CA1: variants seen among roughly 807,000 people sequenced by gnomAD.
The protein encoded by CA1 is carbonate dehydratase I.
A neutral mutation model predicts 28.8 loss-of-function variants in CA1; 27 were observed. The observed-to-expected ratio is 0.94, with a 90% CI of 0.69 to 1.29. The LOEUF (loss-of-function observed/expected upper bound fraction) is 1.29, where lower values mean the gene tolerates loss of function less well. Ranked by LOEUF, CA1 falls within the 50% of genes most tolerant of loss-of-function variation. The pLI is 0.00. For missense variants in CA1, 335 were observed against 310.5 expected (o/e 1.08, Z -0.59); for synonymous variants, 121 against 108.8 (o/e 1.11, Z -0.70).
chr8:85,332,847 A>G (rs1450736751), intron 5 of CA1, among the ~76,000 whole-genome samples: 1 of 152,182 alleles, frequency 6.6e-6, no homozygotes, highest in East Asian at 1.9e-4. Flanking sequence ...ATCAAAACTG[A>G]CACAAAAACA....
chr8:85,364,760 C>T (rs754228238), intron 1 of CA1, among the ~76,000 whole-genome samples: 20 of 152,316 alleles, frequency 1.3e-4, no homozygotes, highest in African/African-American at 3.4e-4. Flanking sequence ...GATATGACCT[C>T]GTCTTAGTAC....
rs1172074035 is a variant in CA1 at position 85,328,335 on chromosome 8, G to T, written c.*225C>A. 3 of 333,678 alleles carry T rather than the reference G, an allele frequency of 9.0e-6. No individual in the cohort carries two copies. The highest frequency in any genetic ancestry group is 1.6e-5 in the Non-Finnish European group (3 of 184,320). 20.7% of individuals were successfully genotyped at this position (333,678 alleles called of 1,614,324 possible). A position where few individuals can be genotyped will look rare whatever the true frequency, so the allele number is the denominator to read the frequency against. The stretch of plus-strand genomic sequence containing the variant: ...TTCCTCAAACTAAACTTGAATTTAA[G>T]CATAAGCTTATGCTTACAGATTACT... On this transcript the variant is annotated 3_prime_UTR_variant, in exon 8 of 8. Coordinates refer to ENST00000523022, the MANE Select transcript of CA1 (RefSeq NM_001128831.4).
chr8:85,343,936 C>T (rs1809025372), intron 1 of CA1, among the ~76,000 whole-genome samples: 1 of 151,164 alleles, frequency 6.6e-6, no homozygotes, highest in South Asian at 2.1e-4. Flanking sequence ...TGAATCTATG[C>T]CAAATTCAAG....
intron 2 of CA1, 22 bp downstream of exon 2, chr8:85,341,577 A>G (rs1428023976): frequency 7.0e-7 from 1 of 1,437,708 alleles, no homozygotes; most frequent in South Asian, 1.1e-5. Flanking sequence ...ATTTTGATCT[A>G]TATAAACAGG....
At chr8:85,371,667 A>G (rs1438305888) in intron 1 of CA1, among the ~76,000 whole-genome samples, 3 of 152,230 alleles carry the variant, frequency 2.0e-5, no homozygotes, top group Non-Finnish European at 2.9e-5. Context: ...AATATGATTT[A>G]CAACTTAATG....
At chr8:85,333,934 T>C (rs1004212405) in intron 4 of CA1, among the ~76,000 whole-genome samples, 4 of 152,212 alleles carry the variant, frequency 2.6e-5, no homozygotes, top group Non-Finnish European at 5.9e-5. Flanking sequence ...AACTAGTTTT[T>C]GGGAAAATAA....
At chr8:85,346,606 G>GA (rs1809196188) in intron 1 of CA1, among the ~76,000 whole-genome samples, 1 of 151,726 alleles carries the variant, frequency 6.6e-6, no homozygotes, top group Admixed American at 6.6e-5. Flanking sequence ...TACTAAAATA[G>GA]AAAAAATTAG....
intron 2 of CA1, among the ~76,000 whole-genome samples, chr8:85,340,709 T>A (rs1808878121): frequency 6.6e-6 from 1 of 152,214 alleles, no homozygotes; most frequent in Non-Finnish European, 1.5e-5. Context: ...TGGGAGAAGG[T>A]CAAGTTATCA....
At chr8:85,360,062 G>A (rs928855432) in intron 1 of CA1, among the ~76,000 whole-genome samples, 6 of 152,164 alleles carry the variant, frequency 3.9e-5, no homozygotes, top group Non-Finnish European at 8.8e-5. Context: ...TAGAAAGAAC[G>A]GTTCAAGTCC....
At chr8:85,343,493 C>G (rs1215314683) in intron 1 of CA1, among the ~76,000 whole-genome samples, 1 of 152,184 alleles carries the variant, frequency 6.6e-6, no homozygotes, top group Non-Finnish European at 1.5e-5. Flanking sequence ...GACCAAGAGT[C>G]AGGCTTCATC....
At chr8:85,374,864 C>T (rs1441057742) in intron 1 of CA1, among the ~76,000 whole-genome samples, 2 of 152,170 alleles carry the variant, frequency 1.3e-5, no homozygotes, top group Non-Finnish European at 2.9e-5. Context: ...CTGATACCCA[C>T]ATAAATATGA....
At chr8:85,338,791 G>T (rs1272652746) in intron 2 of CA1, among the ~76,000 whole-genome samples, 9 of 144,660 alleles carry the variant, frequency 6.2e-5, no homozygotes, top group Non-Finnish European at 1.3e-4. Flanking sequence ...TTGGCTCACT[G>T]CAACCTCTGC....
intron 1 of CA1, among the ~76,000 whole-genome samples, chr8:85,364,487 G>A (rs1264449705): frequency 6.6e-6 from 1 of 152,158 alleles, no homozygotes; most frequent in African/African-American, 2.4e-5. Flanking sequence ...CTCTTCAGTA[G>A]ATAATCAAAC....
At chr8:85,373,315 G>A (rs1810299297) in intron 1 of CA1, 1 of 152,196 alleles carries the variant, frequency 6.6e-6, no homozygotes, top group South Asian at 2.1e-4. Flanking sequence ...CAGCAAGCAA[G>A]AAATGAGTTG....
intron 1 of CA1, among the ~76,000 whole-genome samples, chr8:85,375,251 A>G (rs1810367132): frequency 6.6e-6 from 1 of 152,214 alleles, no homozygotes; most frequent in Non-Finnish European, 1.5e-5. Context: ...GGACAAGGGC[A>G]ATGAGAGAAA....
intron 1 of CA1, among the ~76,000 whole-genome samples, chr8:85,363,313 G>A (rs1315084891): frequency 6.6e-6 from 1 of 152,196 alleles, no homozygotes; most frequent in Non-Finnish European, 1.5e-5. Context: ...GATAAATGCT[G>A]TTGAGGGCTC....
intron 1 of CA1, among the ~76,000 whole-genome samples, chr8:85,362,829 A>G (rs1490218378): frequency 2.6e-5 from 4 of 152,206 alleles, no homozygotes; most frequent in African/African-American, 9.6e-5. Flanking sequence ...ATTTTTAGGC[A>G]GATAACTTAT....
At position 85,341,587 on chromosome 8, in the gene CA1, G is replaced by T; in HGVS notation, c.37+12C>A. 2.0e-6 allele frequency: 3 copies of T among 1,517,378 alleles called. No homozygotes were observed. Among genetic ancestry groups the T allele is most frequent in the Non-Finnish European group, 2.7e-6 (3 of 1,092,214 alleles). 94.0% of individuals were successfully genotyped at this position (1,517,378 alleles called of 1,614,324 possible). A position where few individuals can be genotyped will look rare whatever the true frequency, so the allele number is the denominator to read the frequency against. On this transcript the variant is annotated intron_variant, in intron 2 of 7. Transcript: ENST00000523022. ...TTATCATTTTGATCTATATAAACAG[G>T]AGAACTCTTACCATTTTTGTCATCA...
At chr8:85,367,274 T>C (rs1057374164) in intron 1 of CA1, among the ~76,000 whole-genome samples, 13 of 152,162 alleles carry the variant, frequency 8.5e-5, no homozygotes, top group African/African-American at 3.1e-4. Context: ...CCCTTTTGAA[T>C]ACTATTTTAT....
Sources: gnomAD v4.1 joint callset for allele counts (sites outside exome capture counted in the v4.1 genomes callset) on GRCh38, gnomAD v4.1.1 for gene constraint, MANE v1.5 for transcripts, NCBI Gene and HGNC (gene_info 2026-07-23, HGNC 2026-07-21) for gene names.